The following ARL2BP variants were observed in gnomAD, a reference collection of about 807,000 sequenced individuals.
ARL2BP encodes ADP-ribosylation factor-like protein 2-binding protein.
Under a neutral mutation model 24.2 loss-of-function variants are expected in ARL2BP, and 19 were observed. The ratio of observed to expected loss-of-function variants is 0.79; its 90% CI spans 0.55 to 1.15. The LOEUF (loss-of-function observed/expected upper bound fraction) is 1.15, where lower values mean the gene tolerates loss of function less well. ARL2BP is among the 50% of genes most tolerant of loss of function. The probability of loss-of-function intolerance (pLI) is 0.00; values close to 1 mark genes in which losing one functional copy is unlikely to be tolerated. For missense variants in ARL2BP, 160 were observed against 190.4 expected, an observed-to-expected ratio of 0.84 and a Z score of 0.94; for synonymous variants, 56 against 70.5, an observed-to-expected ratio of 0.79 and a Z score of 1.03.
Position 57,246,093 on chromosome 16 carries a change from G to A in ARL2BP, c.52G>A (p.Asp18Asn), listed in dbSNP as rs773407657. The A allele has an allele frequency of 6.2e-7, 1 of 1,614,156 alleles. No individual in the cohort carries two copies. The highest frequency in any genetic ancestry group is 1.7e-5 in the Admixed American group (1 of 60,022). The change falls in exon 2 of 6, where the codon GAT becomes AAT. Residue 18 changes from aspartate (D) to asparagine (N), a missense_variant. By Grantham distance (23) the Asp-to-Asn change is conservative (BLOSUM62 1). Coordinates refer to ENST00000219204, the MANE Select transcript of ARL2BP (RefSeq NM_012106.4). ...CATGTTTTTCAGCTCCTCCGCCTCT[G>A]ATGCAGAATTTGATGCTGTGGTTGG... Reference protein sequence around the residue: ...SFALSFSSASDAEFDAVVGYL... With the variant: ...SFALSFSSASNAEFDAVVGYL...
rs778187320 is a variant in ARL2BP, at chr16:57,252,233, C to T, written c.458C>T (p.Ser153Phe). The change falls in exon 6 of 6, where the codon TCT becomes TTT. Residue 153 changes from serine to phenylalanine, a missense_variant. By Grantham distance (155) the Ser-to-Phe change is radical (BLOSUM62 -2). Coordinates refer to ENST00000219204, the MANE Select transcript of ARL2BP (RefSeq NM_012106.4). ...LVVTSLCKSS[S>F]LPASQNNLRH ...GTGACTTCATTGTGCAAATCATCTTCTCTGCCAGCTTCCCAGAACAATCTG... is the reference window on the plus strand; with the variant it reads ...GTGACTTCATTGTGCAAATCATCTTTTCTGCCAGCTTCCCAGAACAATCTG... The T allele has an allele frequency of 1.3e-5, 21 of 1,614,050 alleles. No homozygotes were observed. The highest frequency in any genetic ancestry group is 1.7e-5 in the Non-Finnish European group (20 of 1,180,044).
At chr16:57,251,194 T>C (rs1474816771) in intron 5 of ARL2BP, 2 of 151,966 alleles carry the variant, frequency 1.3e-5, no homozygotes, top group African/African-American at 4.8e-5. Flanking sequence ...GCTCAGGAGT[T>C]TGAGACCAGC....
At chr16:57,246,584 C>T (rs1294757962) in intron 2 of ARL2BP, among the ~76,000 whole-genome samples, 1 of 152,142 alleles carries the variant, frequency 6.6e-6, no homozygotes, top group Non-Finnish European at 1.5e-5. Context: ...GGGCGGATCA[C>T]GAGGTCAGGA....
At chr16:57,248,311 C>CAAAAA (rs1161528446) in intron 2 of ARL2BP, 69 of 49,030 alleles carry the variant, frequency 1.4e-3, no homozygotes, top group Admixed American at 2.0e-3. Context: ...AACTCCAGCT[C>CAAAAA]AAAAAAAAAA....
In ARL2BP at chr16:57,253,291, G is replaced by T. The variant is rs1597955135; in HGVS notation, c.*1024G>T. On this transcript the variant is annotated 3_prime_UTR_variant, in exon 6 of 6. Coordinates refer to ENST00000219204, the MANE Select transcript of ARL2BP (RefSeq NM_012106.4). ...TTCCTGTCAAAATCTCTCCTACCAA[G>T]ATGGTGTTCCACTGTCCAGCCCAGC... 1 of 152,348 alleles carries T rather than the reference G, an allele frequency of 6.6e-6. No homozygotes were observed. The highest frequency in any genetic ancestry group is 1.9e-4 in the East Asian group (1 of 5,184). The allele number at this position is 152,348 out of a possible 1,614,324, so 9.4% of individuals were successfully genotyped here.
At position 57,252,586 on chromosome 16, in the gene ARL2BP, G is replaced by A. The variant is rs1597954813; in HGVS notation, c.*319G>A. ...TGGGGGGCCCTTCCCCAGCATACCT[G>A]CTGGTGTGTAAGTGTGGACTAACCC... On this transcript the variant is annotated 3_prime_UTR_variant, in exon 6 of 6. Transcript: ENST00000219204. 7.8e-6 allele frequency: 3 copies of A among 385,760 alleles called. No homozygotes were observed. In the East Asian group the frequency reaches 1.8e-4, roughly 23 times the overall value. The allele number at this position is 385,760 out of a possible 1,614,324, so 23.9% of individuals were successfully genotyped here.
chr16:57,245,720 C>T, intron 1 of ARL2BP: 1 of 522,812 alleles, frequency 1.9e-6, no homozygotes, highest in Non-Finnish European at 3.4e-6. Flanking sequence ...CCCCTCCACC[C>T]CTCCCTGGCC....
chr16:57,245,416 C>T lies in ARL2BP; in HGVS notation c.38+11C>T. 1 of 1,604,674 alleles carries T rather than the reference C, an allele frequency of 6.2e-7. No individual in the cohort carries two copies. Among genetic ancestry groups the T allele is most frequent in the Non-Finnish European group, 8.5e-7 (1 of 1,176,410 alleles). On this transcript the variant is annotated intron_variant, in intron 1 of 5. Coordinates refer to ENST00000219204, the MANE Select transcript of ARL2BP (RefSeq NM_012106.4). The stretch of plus-strand genomic sequence containing the variant: ...CTTTGCGCTGTCTTTGTGAGTAGCT[C>T]CTCCAGGGCGCAGGCGACTTGGGGC...
chr16:57,247,482 C>T (rs998201168), intron 2 of ARL2BP: 5 of 151,634 alleles, frequency 3.3e-5, no homozygotes, highest in South Asian at 2.1e-4. Flanking sequence ...TCTAGGAGTT[C>T]GAGACCAGCC....
At position 57,248,595 on chromosome 16, in the gene ARL2BP, A is replaced by T; in HGVS notation, c.159A>T (p.Glu53Asp). ...NFMDKYYLEF[E>D]DTEENKLIYT... The stretch of plus-strand genomic sequence containing the variant: ...TGGACAAGTACTACCTGGAGTTTGA[A>T]GACACAGAAGAGAATAAACTCATCT... The change falls in exon 3 of 6, where the codon GAA (glutamate) becomes GAT (aspartate). Residue 53 changes from glutamate (E) to aspartate (D), a missense_variant. Physicochemically the swap from Glu to Asp is conservative, Grantham distance 45. Coordinates refer to ENST00000219204, the MANE Select transcript of ARL2BP (RefSeq NM_012106.4). 6.2e-7 allele frequency: 1 copy of T among 1,603,378 alleles called. No individual in the cohort carries two copies. The highest frequency in any genetic ancestry group is 8.5e-7 in the Non-Finnish European group (1 of 1,175,268).
chr16:57,247,790 T>C (rs1230308298), intron 2 of ARL2BP, among the ~76,000 whole-genome samples: 1 of 152,140 alleles, frequency 6.6e-6, no homozygotes, highest in Non-Finnish European at 1.5e-5. Flanking sequence ...ATCACTACAC[T>C]GTTTCCACAA....
chr16:57,245,764 C>A (rs1371842557), intron 1 of ARL2BP: 1 of 504,692 alleles, frequency 2.0e-6, no homozygotes, highest in Non-Finnish European at 3.5e-6. Context: ...AATGACCCCC[C>A]CCGGCAGGTG....
chr16:57,248,394 A>C (rs1233837866), intron 2 of ARL2BP, 143 bp from the exon 3 acceptor site: 3 of 438,392 alleles, frequency 6.8e-6, no homozygotes, highest in African/African-American at 2.0e-5. Context: ...GGTCCCATTT[A>C]ATACCCCCTT....
intron 2 of ARL2BP, 125 bp from the exon 3 acceptor site, chr16:57,248,412 C>G: frequency 2.4e-6 from 1 of 422,720 alleles, no homozygotes; most frequent in Non-Finnish European, 4.4e-6. Context: ...CTTAAAACAT[C>G]AGCTTTCCTT....
chr16:57,247,159 G>A (rs2075392884), intron 2 of ARL2BP, among the ~76,000 whole-genome samples: 1 of 152,166 alleles, frequency 6.6e-6, no homozygotes, highest in Non-Finnish European at 1.5e-5. Flanking sequence ...CAGGTATAAA[G>A]GTTCATGCCC....
chr16:57,246,026 A>G, intron 1 of ARL2BP, 54 bp from the exon 2 acceptor site: 3 of 1,580,312 alleles, frequency 1.9e-6, no homozygotes, highest in Non-Finnish European at 1.7e-6. Flanking sequence ...CATACTAAAA[A>G]CATTTTTTTA....
rs1269516249 is a variant in ARL2BP at position 57,249,701 on chromosome 16, G to C, written c.208-66G>C. The C allele has an allele frequency of 5.4e-6, 7 of 1,297,548 alleles. No homozygotes were observed. The African/African-American group carries it at 1.0e-4, about 19-fold the overall frequency. The allele number at this position is 1,297,548 out of a possible 1,614,324, so 80.4% of individuals were successfully genotyped here. On this transcript the variant is annotated intron_variant, in intron 3 of 5. Transcript: ENST00000219204. ...GAAATGTTTAGAAAGGGCTGGGCAG[G>C]CTTTCTGAAAAGAAGTCTTGTTTTC... is the stretch of plus-strand genomic sequence containing the variant.
rs775557045 is a variant in ARL2BP at position 57,245,322 on chromosome 16, C to A, written c.-46C>A. 5 of 1,590,122 alleles carry A rather than the reference C, an allele frequency of 3.1e-6. No individual in the cohort carries two copies. The highest frequency in any genetic ancestry group is 2.3e-5 in the East Asian group (1 of 44,100). ...CCGCCGGGCGGCCGCGCCCTGCATG[C>A]GAGTTGGGCCGCGGGCGGGGTTGGA... is the stretch of plus-strand genomic sequence containing the variant. On this transcript the variant is annotated 5_prime_UTR_variant, in exon 1 of 6. Transcript: ENST00000219204.
chr16:57,246,529 G>GCT (rs1318138286), intron 2 of ARL2BP: 12 of 165,578 alleles, frequency 7.2e-5, no homozygotes, highest in Non-Finnish European at 1.4e-4. Context: ...CAGGCCAGGT[G>GCT]CGGTGGCTAA....
Sources: allele counts gnomAD v4.1 joint callset (sites outside exome capture counted in the v4.1 genomes callset), GRCh38; gene constraint gnomAD v4.1.1; transcripts MANE v1.5; gene names NCBI Gene and HGNC (gene_info 2026-07-23, HGNC 2026-07-21).